Variants in ARF4 observed in about 807,000 individuals in gnomAD.
ARF4 encodes ADP-ribosylation factor 4.
ARF4 carries 5 observed loss-of-function variants against 24.3 expected under a neutral mutation model. The ratio of observed to expected loss-of-function variants is 0.21; its 90% CI spans 0.11 to 0.43. The LOEUF (loss-of-function observed/expected upper bound fraction) is 0.43. ARF4 is among the 20% of genes least tolerant of loss of function. The probability of loss-of-function intolerance (pLI) is 1.00; values close to 1 mark genes in which losing one functional copy is unlikely to be tolerated. For missense variants in ARF4, 107 were observed against 213.0 expected (o/e 0.50, Z 3.10); for synonymous variants, 62 against 73.5 (o/e 0.84, Z 0.80).
intron 1 of ARF4, among the ~76,000 whole-genome samples, chr3:57,587,611 T>C (rs1011471126): frequency 2.0e-5 from 3 of 152,172 alleles, no homozygotes; most frequent in Non-Finnish European, 4.4e-5. Context: ...AATGTTGGGC[T>C]GTTTACATTT....
intron 1 of ARF4, among the ~76,000 whole-genome samples, chr3:57,592,156 G>A (rs2070123669): frequency 6.6e-6 from 1 of 152,048 alleles, no homozygotes; most frequent in South Asian, 2.1e-4. Context: ...TTTACATGCT[G>A]CCATCCTGCC....
At chr3:57,578,974 A>T (rs546312755) in intron 3 of ARF4, among the ~76,000 whole-genome samples, 4 of 152,296 alleles carry the variant, frequency 2.6e-5, no homozygotes, top group African/African-American at 9.6e-5. Flanking sequence ...CATGTCACTT[A>T]TAACAGATTG....
In ARF4 at chr3:57,571,880, A is replaced by G. The variant is rs2069846375; in HGVS notation, c.*332T>C. The stretch of plus-strand genomic sequence containing the variant: ...AAGGTATCAGTAAAGTAGCAAGGGG[A>G]TAACTTTAAAACATTATTTGTCTGG... On this transcript the variant is annotated 3_prime_UTR_variant, in exon 6 of 6. Coordinates refer to ENST00000303436, the MANE Select transcript of ARF4 (RefSeq NM_001660.4). 4.8e-6 allele frequency: 1 copy of G among 210,172 alleles called. No homozygotes were observed. The highest frequency in any genetic ancestry group is 9.5e-6 in the Non-Finnish European group (1 of 104,774). 13.0% of individuals were successfully genotyped at this position (210,172 alleles called of 1,614,324 possible).
intron 4 of ARF4, among the ~76,000 whole-genome samples, chr3:57,576,840 T>TATAA (rs1164380775): frequency 6.6e-6 from 1 of 152,160 alleles, no homozygotes; most frequent in Non-Finnish European, 1.5e-5. Flanking sequence ...TCCTTATCCT[T>TATAA]AAATGGTTAC....
At chr3:57,581,898 T>C (rs551497853) in intron 3 of ARF4, among the ~76,000 whole-genome samples, 1 of 152,360 alleles carries the variant, frequency 6.6e-6, no homozygotes, top group South Asian at 2.1e-4. Context: ...AATACATACA[T>C]GTGAGTTTAT....
At chr3:57,574,235 G>T (rs912818892) in intron 5 of ARF4, among the ~76,000 whole-genome samples, 17 of 151,878 alleles carry the variant, frequency 1.1e-4, no homozygotes, top group Non-Finnish European at 1.3e-4. Flanking sequence ...CACTGCACCC[G>T]GCCTGCAATA....
Position 57,595,964 on chromosome 3 carries a change from A to G in ARF4, c.67+1110T>C, listed in dbSNP as rs547628133. Reference sequence around the variant, plus strand: ...AAAACTCCGTCTGCAAAAAAAAAAAAGGAAGAGAAAAATAAAACCTCCTCC... The same window carrying G: ...AAAACTCCGTCTGCAAAAAAAAAAAGGGAAGAGAAAAATAAAACCTCCTCC... On this transcript the variant is annotated intron_variant, in intron 1 of 5. Transcript: ENST00000303436. Among the ~76,000 whole-genome samples, 5 of 151,708 alleles carry G rather than the reference A, an allele frequency of 3.3e-5. No individual in the cohort carries two copies. The South Asian group carries it at 1.0e-3, about 31-fold the overall frequency.
In ARF4 at chr3:57,583,870, A is replaced by C. The variant is rs761459315; in HGVS notation, c.258+28T>G. ...TTAGAGCATGAAACCCACAAAGAAA[A>C]GTTATAAAAACATACAGTATCCCTT... On this transcript the variant is annotated intron_variant, in intron 3 of 5. Transcript: ENST00000303436. 2.7e-5 allele frequency: 40 copies of C among 1,466,000 alleles called. No homozygotes were observed. The Middle Eastern group carries it at 7.0e-4, about 25-fold the overall frequency. The allele number at this position is 1,466,000 out of a possible 1,614,324, so 90.8% of individuals were successfully genotyped here. A position where few individuals can be genotyped will look rare whatever the true frequency, so the allele number is the denominator to read the frequency against.
At chr3:57,579,597 A>G (rs2069946907) in intron 3 of ARF4, among the ~76,000 whole-genome samples, 2 of 152,008 alleles carry the variant, frequency 1.3e-5, no homozygotes, top group South Asian at 2.1e-4. Context: ...CCCATCCTAC[A>G]TCATTTTCTG....
rs2070037496 is a variant in ARF4 at position 57,586,409 on chromosome 3, CAGTT to C, written c.68-1949_68-1946del. 2.6e-5 allele frequency among the ~76,000 whole-genome samples: 4 copies of C among 152,176 alleles called. No individual in the cohort carries two copies. In the South Asian group the frequency reaches 6.2e-4, roughly 24 times the overall value. On this transcript the variant is annotated intron_variant, in intron 1 of 5. Transcript: ENST00000303436. ...CTATGCAAGTAAGTCTATCTTTTAT[CAGTT>C]AGTCCAAAACAGAAGCGAAGGCTAC...
chr3:57,581,296 C>T (rs191914144), intron 3 of ARF4, among the ~76,000 whole-genome samples: 16 of 152,204 alleles, frequency 1.1e-4, no homozygotes, highest in Admixed American at 9.8e-4. Flanking sequence ...TAAAGCTTTC[C>T]CCAGCTAGCA....
intron 3 of ARF4, among the ~76,000 whole-genome samples, chr3:57,580,363 C>T (rs1419881742): frequency 6.6e-6 from 1 of 152,052 alleles, no homozygotes. Context: ...ATTTCAAAAG[C>T]TACTCCTTTT....
chr3:57,572,463 T>TA (rs567908445), intron 5 of ARF4, among the ~76,000 whole-genome samples, 165 bp from the exon 6 acceptor site: 131 of 151,902 alleles, frequency 8.6e-4, no homozygotes, highest in Non-Finnish European at 1.4e-3. Context: ...CTCACACCTA[T>TA]AAATCCCAGC....
At chr3:57,585,805 G>A (rs527308284) in intron 1 of ARF4, among the ~76,000 whole-genome samples, 5 of 151,886 alleles carry the variant, frequency 3.3e-5, no homozygotes, top group Non-Finnish European at 7.4e-5. Context: ...TGGGATTACA[G>A]GTGCGTGCCA....
chr3:57,585,665 C>CTTTTT (rs10651218), intron 1 of ARF4, among the ~76,000 whole-genome samples: 1 of 137,078 alleles, frequency 7.3e-6, no homozygotes, highest in Non-Finnish European at 1.5e-5. Flanking sequence ...TATCTAAATT[C>CTTTTT]TTTTTTTTTT....
At chr3:57,573,739 G>A (rs767567968) in intron 5 of ARF4, among the ~76,000 whole-genome samples, 4 of 151,660 alleles carry the variant, frequency 2.6e-5, no homozygotes, top group Non-Finnish European at 5.9e-5. Flanking sequence ...GCACCACCAC[G>A]ACCAGCTAAT....
At chr3:57,592,627 A>T (rs900940267) in intron 1 of ARF4, among the ~76,000 whole-genome samples, 1 of 152,162 alleles carries the variant, frequency 6.6e-6, no homozygotes, top group Non-Finnish European at 1.5e-5. Flanking sequence ...GTTAATTAGC[A>T]GCAAATTATC....
rs776788474 is a variant in ARF4 at position 57,572,318 on chromosome 3, A to C, written c.457-20T>G. ...ATACCACTGTAAAGAGAAGACAAGA[A>C]AATACTTGATTAACAAAGTTAATAT... is the stretch of plus-strand genomic sequence containing the variant. On this transcript the variant is annotated intron_variant, in intron 5 of 5. Coordinates refer to ENST00000303436, the MANE Select transcript of ARF4 (RefSeq NM_001660.4). 2 of 1,576,252 alleles carry C rather than the reference A, an allele frequency of 1.3e-6. No individual in the cohort carries two copies. The highest frequency in any genetic ancestry group is 1.7e-6 in the Non-Finnish European group (2 of 1,148,006).
At chr3:57,575,060 G>A (rs772142074) in intron 5 of ARF4, among the ~76,000 whole-genome samples, 46 of 151,664 alleles carry the variant, frequency 3.0e-4, no homozygotes, top group African/African-American at 1.1e-3. Flanking sequence ...TGGTTGGTCC[G>A]GCTGGTCTCA....
Sources: allele counts gnomAD v4.1 joint callset (sites outside exome capture counted in the v4.1 genomes callset), GRCh38; gene constraint gnomAD v4.1.1; transcripts MANE v1.5; gene names NCBI Gene and HGNC (gene_info 2026-07-23, HGNC 2026-07-21).